Variants in UNC13C observed in about 807,000 individuals in gnomAD.
The protein encoded by UNC13C is unc-13 homolog C.
In UNC13C, 174 loss-of-function variants were observed where a neutral mutation model predicts 245.4. That is an observed-to-expected ratio of 0.71 (90% CI 0.63 to 0.80). The LOEUF is 0.80. UNC13C is among the 30% of genes least tolerant of loss of function. UNC13C has a pLI of 0.00. For synonymous variants in UNC13C, 992 were observed against 895.1 expected, an observed-to-expected ratio of 1.11 and a Z score of -1.93; for missense variants, 2,829 against 2,602.9, an observed-to-expected ratio of 1.09 and a Z score of -1.89.
At chr15:54,054,494 T>C (rs1897413421) in intron 2 of UNC13C, among the ~76,000 whole-genome samples, 1 of 152,184 alleles carries the variant, frequency 6.6e-6, no homozygotes, top group Non-Finnish European at 1.5e-5. Context: ...AATCTAGAAT[T>C]TTATACTGTA....
intron 2 of UNC13C, among the ~76,000 whole-genome samples, chr15:54,130,573 T>A (rs1290667360): frequency 1.3e-5 from 2 of 152,166 alleles, no homozygotes; most frequent in African/African-American, 4.8e-5. Context: ...ATTACAGGCG[T>A]GAGCCACTGC....
intron 4 of UNC13C, among the ~76,000 whole-genome samples, chr15:54,166,323 GA>G (rs945159806): frequency 6.6e-6 from 1 of 151,856 alleles, no homozygotes; most frequent in Admixed American, 6.6e-5. Context: ...TAGGAGACAT[GA>G]AAAAATATTA....
chr15:54,321,159 A>T (rs1484370235), intron 13 of UNC13C: 1 of 517,946 alleles, frequency 1.9e-6, no homozygotes, highest in Non-Finnish European at 3.8e-6. Context: ...TTCTTACTTC[A>T]CAGTTGTGGC....
intron 19 of UNC13C, among the ~76,000 whole-genome samples, chr15:54,482,081 C>T (rs1423866267): frequency 1.3e-5 from 2 of 152,094 alleles, no homozygotes; most frequent in African/African-American, 4.8e-5. Context: ...TTTCTCATGG[C>T]AGCCTCTCTG....
chr15:53,865,073 C>T, the UNC13C span, among the ~76,000 whole-genome samples: 1 of 152,178 alleles, frequency 6.6e-6, no homozygotes, highest in Non-Finnish European at 1.5e-5. Flanking sequence ...CTGTTGGGAA[C>T]AGTCAAGTTA....
At chr15:53,959,267 T>G in the UNC13C span, among the ~76,000 whole-genome samples, 2 of 152,176 alleles carry the variant, frequency 1.3e-5, no homozygotes, top group African/African-American at 4.8e-5. Context: ...TGTAGATATC[T>G]CTTAGATATA....
intron 30 of UNC13C, among the ~76,000 whole-genome samples, chr15:54,573,730 C>G (rs1209513898): frequency 6.6e-6 from 1 of 152,206 alleles, no homozygotes; most frequent in Non-Finnish European, 1.5e-5. Flanking sequence ...GTTGTCACAT[C>G]CTGGAGTGGT....
chr15:54,059,469 A>G (rs1302542972), intron 2 of UNC13C, among the ~76,000 whole-genome samples: 1 of 152,194 alleles, frequency 6.6e-6, no homozygotes, highest in East Asian at 1.9e-4. Flanking sequence ...AAAAGAGGAT[A>G]CAAACAAATG....
intron 19 of UNC13C, among the ~76,000 whole-genome samples, chr15:54,426,970 G>A (rs948018370): frequency 7.9e-5 from 12 of 151,718 alleles, no homozygotes; most frequent in Admixed American, 7.9e-4. Context: ...GCTAAAACCT[G>A]AGTTAACCAT....
the UNC13C span, among the ~76,000 whole-genome samples, chr15:53,879,019 C>G: frequency 6.6e-6 from 1 of 152,120 alleles, no homozygotes; most frequent in Non-Finnish European, 1.5e-5. Context: ...AAAGAGTCAC[C>G]TGCAAATTCT....
chr15:54,123,809 A>G (rs2030845918), intron 2 of UNC13C, among the ~76,000 whole-genome samples: 1 of 152,008 alleles, frequency 6.6e-6, no homozygotes, highest in African/African-American at 2.4e-5. Flanking sequence ...CTTCACCACA[A>G]AGCTCTCTCC....
At chr15:53,948,987 A>G in the UNC13C span, among the ~76,000 whole-genome samples, 4 of 152,170 alleles carry the variant, frequency 2.6e-5, no homozygotes, top group Non-Finnish European at 5.9e-5. Context: ...TGTTATAACT[A>G]TTTATTGTGC....
chr15:54,080,929 T>C (rs1191243641), intron 2 of UNC13C, among the ~76,000 whole-genome samples: 1 of 152,048 alleles, frequency 6.6e-6, no homozygotes, highest in Non-Finnish European at 1.5e-5. Flanking sequence ...TTCTTTCTTT[T>C]TGGTGTAGGC....
chr15:54,109,000 A>G (rs534772330), intron 2 of UNC13C, among the ~76,000 whole-genome samples: 1 of 152,242 alleles, frequency 6.6e-6, no homozygotes, highest in East Asian at 1.9e-4. Flanking sequence ...CATAGGTGCA[A>G]ACTTTCAGTC....
At chr15:54,279,916 A>G (rs751768368) in intron 10 of UNC13C, among the ~76,000 whole-genome samples, 2 of 152,178 alleles carry the variant, frequency 1.3e-5, no homozygotes, top group Non-Finnish European at 2.9e-5. Context: ...ATATAAAAAG[A>G]TAGGTTTTCA....
intron 4 of UNC13C, among the ~76,000 whole-genome samples, chr15:54,167,097 A>C (rs2033188463): frequency 6.6e-6 from 1 of 152,228 alleles, no homozygotes; most frequent in African/African-American, 2.4e-5. Flanking sequence ...AAGCTACAAT[A>C]ATCAAACAGT....
At chr15:53,911,645 C>T in the UNC13C span, 2 of 152,210 alleles carry the variant, frequency 1.3e-5, no homozygotes, top group Non-Finnish European at 2.9e-5. Flanking sequence ...AACACAAGGG[C>T]AAAGTGACTA....
chr15:53,958,191 A>G, the UNC13C span, among the ~76,000 whole-genome samples: 1 of 152,182 alleles, frequency 6.6e-6, no homozygotes, highest in African/African-American at 2.4e-5. Context: ...TACCTATACC[A>G]ATGTTCAAAG....
chr15:54,181,558 A>G (rs772816508), intron 4 of UNC13C, among the ~76,000 whole-genome samples: 4 of 151,710 alleles, frequency 2.6e-5, no homozygotes, highest in Admixed American at 6.6e-5. Context: ...TGAATTTTAG[A>G]GTAGTTTTTT....
Sources: gnomAD v4.1 joint callset for allele counts (sites outside exome capture counted in the v4.1 genomes callset) on GRCh38, gnomAD v4.1.1 for gene constraint, MANE v1.5 for transcripts, NCBI Gene and HGNC (gene_info 2026-07-23, HGNC 2026-07-21) for gene names.